TEX2: variants seen among roughly 807,000 people sequenced by gnomAD.
TEX2 encodes the protein testis expressed 2.
In TEX2, 53 loss-of-function variants were observed where a neutral mutation model predicts 106.9. The observed-to-expected ratio is 0.50, with a 90% CI of 0.40 to 0.62. TEX2 has a LOEUF of 0.62. Among genes scored for constraint, TEX2 ranks in the 20% least tolerant of loss-of-function variants. The pLI is 0.00. For synonymous variants in TEX2, 523 were observed against 534.8 expected, an observed-to-expected ratio of 0.98 and a Z score of 0.30; for missense variants, 1,207 against 1,379.0, an observed-to-expected ratio of 0.88 and a Z score of 1.98.
chr17:64,247,149 G>A (rs1357825904), intron 1 of TEX2, among the ~76,000 whole-genome samples: 6 of 151,680 alleles, frequency 4.0e-5, no homozygotes, highest in East Asian at 1.9e-4. Flanking sequence ...GTGGTGGCAG[G>A]TGCCAGCTAC....
At chr17:64,167,242 C>T (rs2031178840) in intron 7 of TEX2, among the ~76,000 whole-genome samples, 1 of 152,180 alleles carries the variant, frequency 6.6e-6, no homozygotes, top group Admixed American at 6.5e-5. Flanking sequence ...TGACTTCTTA[C>T]AGCAGCAAGG....
In TEX2 at chr17:64,148,019, CTT is replaced by C. The variant is rs200083648; in HGVS notation, c.*948_*949del. On this transcript the variant is annotated 3_prime_UTR_variant, in exon 12 of 12. Transcript: ENST00000584379. ...GCTGAGCAAACTTTTGGTCTTGACT[CTT>C]GAAATAATTAAAGAGAGCAGTTCTC... The C allele has an allele frequency of 9.1e-3, 1,390 of 152,554 alleles. 14 individuals are homozygous for C. Among genetic ancestry groups the C allele is most frequent in the Non-Finnish European group, 9.2e-3 (628 of 68,022 alleles). The allele number at this position is 152,554 out of a possible 1,614,324, so 9.5% of individuals were successfully genotyped here.
In TEX2 at chr17:64,153,133, T is replaced by C. The variant is rs764656662; in HGVS notation, c.2952A>G (p.Thr984=). ...TATCAACAAACCTCATAATCTTACTTGTTCGATGACCTCCAACGTACCTTC... is the reference window on the plus strand; with the variant it reads ...TATCAACAAACCTCATAATCTTACTCGTTCGATGACCTCCAACGTACCTTC... The part of the protein sequence containing the change: ...GAEGYVGGHR[T]SKIMRFVDKI... Residue 984 remains threonine, a synonymous_variant, in exon 10 of 12, where the codon ACA becomes ACG. Transcript: ENST00000584379. The surrounding 1 kb of genome is among the most constrained non-coding windows in gnomAD (Gnocchi z 4.1). 6.2e-7 allele frequency: 1 copy of C among 1,613,984 alleles called. No homozygotes were observed. The highest frequency in any genetic ancestry group is 1.1e-5 in the South Asian group (1 of 91,076).
intron 5 of TEX2, among the ~76,000 whole-genome samples, chr17:64,187,468 A>C (rs1598155911): frequency 6.6e-6 from 1 of 151,786 alleles, no homozygotes; most frequent in Non-Finnish European, 1.5e-5. Context: ...CTCACCACCT[A>C]CTGTCACTAC....
rs1202421813 is a variant in TEX2 at position 64,149,018 on chromosome 17, G to A, written c.3335C>T (p.Thr1112Ile). The change falls in exon 12 of 12, where the codon ACT becomes ATT. Residue 1112 changes from threonine to isoleucine, a missense_variant. Coordinates refer to ENST00000584379, the MANE Select transcript of TEX2 (RefSeq NM_001288732.2). ...AGGTGGGTCTTTCAGGAGGCAGGAA[G>A]TAGAGCGAGGGTCCATGGCTGAGTG... ...IMHSAMDPRS[T>I]SCLLKDPPVE... The A allele has an allele frequency of 6.2e-7, 1 of 1,614,246 alleles. No individual in the cohort carries two copies. The highest frequency in any genetic ancestry group is 8.5e-7 in the Non-Finnish European group (1 of 1,180,046).
At chr17:64,198,610 A>G (rs2032554950) in intron 2 of TEX2, among the ~76,000 whole-genome samples, 1 of 152,170 alleles carries the variant, frequency 6.6e-6, no homozygotes. Context: ...AGTAGAGGCT[A>G]CTTGAGAATA....
intron 4 of TEX2, among the ~76,000 whole-genome samples, chr17:64,191,278 C>T (rs778753283): frequency 5.9e-5 from 9 of 152,080 alleles, no homozygotes; most frequent in Non-Finnish European, 8.8e-5. Flanking sequence ...GCAGGATTTC[C>T]AAAAATTGAA....
intron 1 of TEX2, among the ~76,000 whole-genome samples, chr17:64,253,366 T>C (rs2034128635): frequency 6.7e-6 from 1 of 150,366 alleles, no homozygotes; most frequent in African/African-American, 2.5e-5. Context: ...GGTCTCACTA[T>C]GTTGCCCAGG....
chr17:64,173,730 A>G (rs2031508441), intron 6 of TEX2, among the ~76,000 whole-genome samples: 2 of 152,342 alleles, frequency 1.3e-5, no homozygotes, highest in South Asian at 4.1e-4. Context: ...AGTCTTGCAC[A>G]ATTGCCCTGT....
intron 1 of TEX2, among the ~76,000 whole-genome samples, chr17:64,258,093 G>T (rs1182740828): frequency 6.6e-6 from 1 of 151,922 alleles, no homozygotes; most frequent in Non-Finnish European, 1.5e-5. Flanking sequence ...TTGTATTTTG[G>T]TAGAGATGGG....
intron 7 of TEX2, among the ~76,000 whole-genome samples, chr17:64,163,939 GC>G (rs1340491065): frequency 6.6e-6 from 1 of 152,164 alleles, no homozygotes; most frequent in East Asian, 1.9e-4. Context: ...ATAACCATGT[GC>G]CCTGGCTGGT....
At chr17:64,155,973 C>G (rs973624341) in intron 8 of TEX2, 4 of 152,172 alleles carry the variant, frequency 2.6e-5, no homozygotes, top group African/African-American at 9.7e-5. Context: ...TATTACACAA[C>G]CAAATGGTCA....
intron 5 of TEX2, among the ~76,000 whole-genome samples, chr17:64,187,194 A>G (rs2032109226): frequency 6.6e-6 from 1 of 152,198 alleles, no homozygotes; most frequent in Non-Finnish European, 1.5e-5. Context: ...CTTATCAGAG[A>G]TGATCCTAAG....
At chr17:64,181,013 G>A (rs2031832544) in intron 5 of TEX2, among the ~76,000 whole-genome samples, 1 of 152,180 alleles carries the variant, frequency 6.6e-6, no homozygotes, top group Admixed American at 6.5e-5. Context: ...CCCTACTCCT[G>A]TGTGTTTCTT....
At chr17:64,202,934 T>C (rs797032365) in intron 2 of TEX2, among the ~76,000 whole-genome samples, 8 of 152,294 alleles carry the variant, frequency 5.3e-5, no homozygotes, top group African/African-American at 1.7e-4. Flanking sequence ...GTGATGGCAT[T>C]TGTAAAAGGT....
intron 6 of TEX2, among the ~76,000 whole-genome samples, chr17:64,171,887 G>A (rs2031417378): frequency 6.6e-6 from 1 of 151,854 alleles, no homozygotes; most frequent in African/African-American, 2.4e-5. Context: ...AGGCTGAGGT[G>A]GGAGGATCAC....
At chr17:64,232,980 C>T (rs2143328180) in intron 1 of TEX2, among the ~76,000 whole-genome samples, 1 of 152,228 alleles carries the variant, frequency 6.6e-6, no homozygotes, top group East Asian at 1.9e-4. Context: ...AAGGCAGAGG[C>T]ATTTGGGATT....
intron 1 of TEX2, among the ~76,000 whole-genome samples, chr17:64,235,265 A>G (rs2033742411): frequency 6.6e-6 from 1 of 152,268 alleles, no homozygotes; most frequent in Non-Finnish European, 1.5e-5. Flanking sequence ...GCTACTAACT[A>G]GCAGAGCTAG....
chr17:64,218,616 A>T (rs2033261566), intron 1 of TEX2, among the ~76,000 whole-genome samples: 1 of 151,964 alleles, frequency 6.6e-6, no homozygotes, highest in South Asian at 2.1e-4. Context: ...ATGGGGTTTC[A>T]CCATATTGGC....
Sources: gnomAD v4.1 joint callset for allele counts (sites outside exome capture counted in the v4.1 genomes callset) on GRCh38, gnomAD v4.1.1 for gene constraint, Gnocchi (gnomAD v3.1) non-coding constraint, MANE v1.5 for transcripts, NCBI Gene and HGNC (gene_info 2026-07-23, HGNC 2026-07-21) for gene names.